The following DNMT3B variants were observed in gnomAD, a reference collection of about 807,000 sequenced individuals.
The protein encoded by DNMT3B is DNA (cytosine-5)-methyltransferase 3B.
In DNMT3B, 37 loss-of-function variants were observed where a neutral mutation model predicts 120.2. That is an observed-to-expected ratio of 0.31 (90% confidence interval 0.24 to 0.40). DNMT3B has a LOEUF of 0.40. Ranked by LOEUF, DNMT3B falls within the 10% of genes least tolerant of loss-of-function variation. DNMT3B has a pLI of 1.00. For synonymous variants in DNMT3B, 412 were observed against 442.8 expected, an observed-to-expected ratio of 0.93 and a Z score of 0.87; for missense variants, 878 against 1,137.3, an observed-to-expected ratio of 0.77 and a Z score of 3.28.
chr20:32,797,312 C>T lies in DNMT3B; in HGVS notation c.1490+13C>T, dbSNP rs1253465506. On this transcript the variant is annotated intron_variant, in intron 14 of 22. Coordinates refer to ENST00000328111, the MANE Select transcript of DNMT3B (RefSeq NM_006892.4). ...CGAGCTGCTGCCGGTGAGCACTGGG[C>T]CCTGTGGGGTGGATGTGGGTGGGCC... 6.2e-7 allele frequency: 1 copy of T among 1,612,682 alleles called. No individual in the cohort carries two copies. The highest frequency in any genetic ancestry group is 8.5e-7 in the Non-Finnish European group (1 of 1,179,102).
chr20:32,806,702 G>C (rs1023083589), intron 22 of DNMT3B, among the ~76,000 whole-genome samples: 1 of 152,174 alleles, frequency 6.6e-6, no homozygotes, highest in African/African-American at 2.4e-5. Flanking sequence ...TTCCTTCTTA[G>C]CCACAGTTTA....
chr20:32,786,274 G>A (rs918025366), intron 4 of DNMT3B, among the ~76,000 whole-genome samples: 2 of 152,202 alleles, frequency 1.3e-5, no homozygotes, highest in African/African-American at 4.8e-5. Flanking sequence ...GGACCTGCTG[G>A]GAATTGTCGG....
intron 17 of DNMT3B, 64 bp from the exon 18 acceptor site, chr20:32,800,771 A>G: frequency 6.4e-7 from 1 of 1,556,264 alleles, no homozygotes; most frequent in Non-Finnish European, 8.9e-7. Flanking sequence ...AAGATTCTAG[A>G]AGTGGGTCCA....
chr20:32,794,351 A>C (rs1980356683), intron 10 of DNMT3B, among the ~76,000 whole-genome samples: 4 of 151,130 alleles, frequency 2.6e-5, no homozygotes, highest in Admixed American at 2.6e-4. Context: ...TCAAAAAAAA[A>C]AAAAAAAAAA....
Position 32,780,677 on chromosome 20 carries a change from G to A in DNMT3B, c.142+212G>A, listed in dbSNP as rs139418486. 1.8e-3 allele frequency among the ~76,000 whole-genome samples: 267 copies of A among 152,280 alleles called. 2 individuals are homozygous for A. The highest frequency in any genetic ancestry group is 6.1e-3 in the African/African-American group (254 of 41,562). ...CCTTTGGGACTCTCATCTCAGCTGG[G>A]ACTCTGAGCGTGACACAAGGGTGAT... On this transcript the variant is annotated intron_variant, in intron 2 of 22. Transcript: ENST00000328111.
At chr20:32,791,345 A>C (rs62207021) in intron 7 of DNMT3B, among the ~76,000 whole-genome samples, 1 of 152,200 alleles carries the variant, frequency 6.6e-6, no homozygotes, top group African/African-American at 2.4e-5. Context: ...CTTCATTCAG[A>C]GTATCCTCCT....
At position 32,809,129 on chromosome 20, in the gene DNMT3B, AC is replaced by A. The variant is rs1240074989; in HGVS notation, c.*1227del. ...CTGGTGCTATTTTGTAGAATAAGGA[AC>A]AACGTTGACAAGTTTTGTGGGGCTT... On this transcript the variant is annotated 3_prime_UTR_variant, in exon 23 of 23. Coordinates refer to ENST00000328111, the MANE Select transcript of DNMT3B (RefSeq NM_006892.4). The A allele has an allele frequency of 4.7e-6, 1 of 214,932 alleles. No homozygotes were observed. Among genetic ancestry groups the A allele is most frequent in the African/African-American group, 2.3e-5 (1 of 44,372 alleles). 13.3% of individuals were successfully genotyped at this position (214,932 alleles called of 1,614,324 possible). A position where few individuals can be genotyped will look rare whatever the true frequency, so the allele number is the denominator to read the frequency against.
intron 1 of DNMT3B, among the ~76,000 whole-genome samples, chr20:32,778,366 A>AAC (rs1353381544): frequency 8.4e-6 from 1 of 118,408 alleles, no homozygotes; most frequent in Admixed American, 7.4e-5. Context: ...CTCTGTCTCA[A>AAC]AAAAAAAAAA....
At chr20:32,805,459 G>A (rs1228073004) in intron 21 of DNMT3B, 52 bp downstream of exon 21, 3 of 1,599,840 alleles carry the variant, frequency 1.9e-6, no homozygotes, top group Admixed American at 3.3e-5. Flanking sequence ...CCTCCAAGTG[G>A]GGACTTGGGA....
chr20:32,807,642 G>A, intron 22 of DNMT3B, 120 bp from the exon 23 acceptor site: 1 of 1,456,214 alleles, frequency 6.9e-7, no homozygotes, highest in Non-Finnish European at 9.5e-7. Context: ...AGGTCCTTGG[G>A]GACCTTACTG....
intron 6 of DNMT3B, 118 bp from the exon 7 acceptor site, chr20:32,788,736 G>C: frequency 7.6e-7 from 1 of 1,313,798 alleles, no homozygotes. Flanking sequence ...ACGGTGTCTG[G>C]CTACATCTTG....
At chr20:32,768,635 A>G (rs1987532991) in intron 1 of DNMT3B, among the ~76,000 whole-genome samples, 1 of 151,994 alleles carries the variant, frequency 6.6e-6, no homozygotes. Context: ...TTGATTCCTA[A>G]TTACTATCAT....
In DNMT3B at chr20:32,797,273, G is replaced by C; in HGVS notation, c.1464G>C (p.Leu488=). The C allele has an allele frequency of 1.2e-6, 2 of 1,614,164 alleles. No individual in the cohort carries two copies. The highest frequency in any genetic ancestry group is 1.7e-6 in the Non-Finnish European group (2 of 1,180,042). ...TGTGCTGCGAGGGCCGAGAGCTGCT[G>C]CTTTGCAGCAACACGAGCTGCTGCC... ...CTVCCEGREL[L]LCSNTSCCRC... The change falls in exon 14 of 23, where the codon CTG becomes CTC. Residue 488 remains leucine (L), a synonymous_variant. Coordinates refer to ENST00000328111, the MANE Select transcript of DNMT3B (RefSeq NM_006892.4).
At chr20:32,789,039 C>T in intron 7 of DNMT3B, 27 bp downstream of exon 7, 1 of 1,612,586 alleles carries the variant, frequency 6.2e-7, no homozygotes, top group Non-Finnish European at 8.5e-7. Context: ...GCAAGGGGTT[C>T]TGCAGGCCTG....
intron 4 of DNMT3B, among the ~76,000 whole-genome samples, chr20:32,785,976 C>G (rs2377668): frequency 0.41 from 62,895 of 151,714 alleles, 14,069 homozygotes; most frequent in East Asian, 0.92. Flanking sequence ...CTCTGCCTCC[C>G]TGGTCCAAGT....
intron 9 of DNMT3B, 115 bp from the exon 10 acceptor site, chr20:32,793,421 T>C (rs1216348196): frequency 8.3e-7 from 1 of 1,200,036 alleles, no homozygotes; most frequent in African/African-American, 1.5e-5. Context: ...TGCGCCGAGA[T>C]CGCACCACTG....
At chr20:32,796,659 G>T (rs1980656813) in intron 12 of DNMT3B, 131 bp from the exon 13 acceptor site, 2 of 928,604 alleles carry the variant, frequency 2.2e-6, no homozygotes, top group East Asian at 4.9e-5. Context: ...GTGAGGCATG[G>T]CCTGAGGTGC....
At chr20:32,806,417 G>T in intron 22 of DNMT3B, 90 bp downstream of exon 22, 1 of 1,182,012 alleles carries the variant, frequency 8.5e-7, no homozygotes, top group Non-Finnish European at 1.3e-6. Flanking sequence ...ATTCTTGATG[G>T]CCTCACTGCC....
rs1987878351 is a variant in DNMT3B at position 32,773,629 on chromosome 20, T to A, written c.-6-6689T>A. Among the ~76,000 whole-genome samples the A allele has an allele frequency of 4.3e-5, 6 of 138,542 alleles. No individual in the cohort carries two copies. In the South Asian group the frequency reaches 6.8e-4, roughly 16 times the overall value. The allele number at this position is 138,542 out of a possible 152,430, so 90.9% of individuals were successfully genotyped here. A position where few individuals can be genotyped will look rare whatever the true frequency, so the allele number is the denominator to read the frequency against. On this transcript the variant is annotated intron_variant, in intron 1 of 22. Transcript: ENST00000328111. ...ATATTGGGCTTTTTTTTTTTTTTTTTATAACAGGGTCTTGTGCTGTCACTG... is the reference window on the plus strand; with the variant it reads ...ATATTGGGCTTTTTTTTTTTTTTTTAATAACAGGGTCTTGTGCTGTCACTG...
Sources: gnomAD v4.1 joint callset for allele counts (sites outside exome capture counted in the v4.1 genomes callset) on GRCh38, gnomAD v4.1.1 for gene constraint, MANE v1.5 for transcripts, NCBI Gene and HGNC (gene_info 2026-07-23, HGNC 2026-07-21) for gene names.